Variants in IGF2BP2 observed in about 807,000 individuals in gnomAD.
The protein encoded by IGF2BP2 is insulin-like growth factor 2 mRNA-binding protein 2.
A neutral mutation model predicts 75.8 loss-of-function variants in IGF2BP2; 17 were observed. That is an observed-to-expected ratio of 0.22 (90% CI 0.15 to 0.34). The LOEUF (loss-of-function observed/expected upper bound fraction) is 0.34, where lower values mean the gene tolerates loss of function less well. Among genes scored for constraint, IGF2BP2 ranks in the 10% least tolerant of loss-of-function variants. The pLI, the probability that IGF2BP2 is intolerant of heterozygous loss-of-function variation, is 1.00. For synonymous variants in IGF2BP2, 288 were observed against 295.6 expected, an observed-to-expected ratio of 0.97 and a Z score of 0.26; for missense variants, 516 against 772.4, an observed-to-expected ratio of 0.67 and a Z score of 3.93.
rs571846769 is a variant in IGF2BP2 at position 185,712,572 on chromosome 3, C to CT, written c.240-14226dup. 6.6e-5 allele frequency: 10 copies of CT among 152,250 alleles called. No individual in the cohort carries two copies. In the South Asian group the frequency reaches 2.1e-3, roughly 32 times the overall value. 9.4% of individuals were successfully genotyped at this position (152,250 alleles called of 1,614,324 possible). ...ATGCTGAGTCAGTCATTCAACCTCT[C>CT]TAATGCCTCAGCCATGAGACAGAGA... On this transcript the variant is annotated intron_variant, in intron 2 of 15. Coordinates refer to ENST00000382199, the MANE Select transcript of IGF2BP2 (RefSeq NM_006548.6).
chr3:185,810,352 T>TA (rs1739632075), intron 2 of IGF2BP2, among the ~76,000 whole-genome samples: 1 of 152,192 alleles, frequency 6.6e-6, no homozygotes, highest in Admixed American at 6.5e-5. Flanking sequence ...TTCCTTAACT[T>TA]AAATACAGAA....
At chr3:185,794,281 AGACCCGGGC>A (rs1737045665) in intron 2 of IGF2BP2, among the ~76,000 whole-genome samples, 1 of 132,782 alleles carries the variant, frequency 7.5e-6, no homozygotes, top group African/African-American at 3.1e-5. Context: ...CAGATCCTAG[AGACCCGGGC>A]TGCCCTCATA....
chr3:185,785,122 G>C (rs1735693742), intron 2 of IGF2BP2, among the ~76,000 whole-genome samples: 1 of 151,836 alleles, frequency 6.6e-6, no homozygotes, highest in East Asian at 1.9e-4. Context: ...CCAACATGGA[G>C]ACACCCAGCC....
intron 2 of IGF2BP2, among the ~76,000 whole-genome samples, chr3:185,810,262 C>T (rs1356841334): frequency 6.6e-6 from 1 of 152,148 alleles, no homozygotes; most frequent in Non-Finnish European, 1.5e-5. Flanking sequence ...CCTTAGGCAA[C>T]TCGAAGTTTC....
At chr3:185,702,192 G>A (rs1359199531) in intron 2 of IGF2BP2, among the ~76,000 whole-genome samples, 2 of 152,234 alleles carry the variant, frequency 1.3e-5, no homozygotes, top group African/African-American at 4.8e-5. Flanking sequence ...CATCTAGCAC[G>A]GGGTCTCATA....
chr3:185,717,328 T>G (rs911351660), intron 2 of IGF2BP2: 1 of 162,130 alleles, frequency 6.2e-6, no homozygotes, highest in South Asian at 1.8e-4. Context: ...TTCTCCTCAG[T>G]GCTGAGAGTT....
At chr3:185,802,952 A>G (rs936784996) in intron 2 of IGF2BP2, among the ~76,000 whole-genome samples, 3 of 152,252 alleles carry the variant, frequency 2.0e-5, no homozygotes, top group Non-Finnish European at 4.4e-5. Context: ...GTAGTTTGCT[A>G]GACTCAATCT....
intron 2 of IGF2BP2, among the ~76,000 whole-genome samples, chr3:185,771,836 G>A (rs372822764): frequency 1.3e-5 from 2 of 152,084 alleles, no homozygotes; most frequent in East Asian, 3.9e-4. Flanking sequence ...AACTGGAAAG[G>A]TCTGGGGTCT....
chr3:185,661,769 G>T (rs193282161), intron 10 of IGF2BP2, among the ~76,000 whole-genome samples: 1 of 152,104 alleles, frequency 6.6e-6, no homozygotes, highest in African/African-American at 2.4e-5. Flanking sequence ...GTTCTACCGG[G>T]GAGGCAGGCA....
chr3:185,753,990 G>C (rs1234876705), intron 2 of IGF2BP2, among the ~76,000 whole-genome samples: 1 of 151,928 alleles, frequency 6.6e-6, no homozygotes, highest in Non-Finnish European at 1.5e-5. Context: ...GATCACTTGA[G>C]CTCAGGAGTT....
At chr3:185,648,539 C>T (rs1467696784) in intron 14 of IGF2BP2, among the ~76,000 whole-genome samples, 1 of 151,442 alleles carries the variant, frequency 6.6e-6, no homozygotes, top group African/African-American at 2.4e-5. Context: ...ACACTCAGGA[C>T]TCAAGAGACC....
chr3:185,722,959 C>T (rs536635200), intron 2 of IGF2BP2, among the ~76,000 whole-genome samples: 30 of 152,198 alleles, frequency 2.0e-4, no homozygotes, highest in Middle Eastern at 3.4e-3. Flanking sequence ...AAACTCTTGG[C>T]CATAAAAACA....
intron 2 of IGF2BP2, among the ~76,000 whole-genome samples, chr3:185,711,849 C>T (rs1724846505): frequency 6.6e-6 from 1 of 152,150 alleles, no homozygotes; most frequent in African/African-American, 2.4e-5. Flanking sequence ...CACAGGGTCC[C>T]AGTCACCATG....
At chr3:185,705,930 A>G (rs1336733292) in intron 2 of IGF2BP2, among the ~76,000 whole-genome samples, 1 of 152,252 alleles carries the variant, frequency 6.6e-6, no homozygotes, top group Non-Finnish European at 1.5e-5. Context: ...ACAAACTTTT[A>G]GACCACAGCA....
intron 2 of IGF2BP2, among the ~76,000 whole-genome samples, chr3:185,764,306 T>A (rs1578226860): frequency 6.6e-6 from 1 of 152,164 alleles, no homozygotes; most frequent in Admixed American, 6.5e-5. Context: ...TAAGCAGGAA[T>A]GTGACCTCAT....
At chr3:185,754,794 A>C (rs1731396356) in intron 2 of IGF2BP2, among the ~76,000 whole-genome samples, 1 of 152,200 alleles carries the variant, frequency 6.6e-6, no homozygotes, top group African/African-American at 2.4e-5. Context: ...GGAAGTTTGA[A>C]TTTAAGAGTG....
rs536211300 is a variant in IGF2BP2 at position 185,818,402 on chromosome 3, T to C, written c.239+4751A>G. 2.0e-5 allele frequency among the ~76,000 whole-genome samples: 3 copies of C among 152,164 alleles called. No homozygotes were observed. The East Asian group carries it at 5.8e-4, about 29-fold the overall frequency. On this transcript the variant is annotated intron_variant, in intron 2 of 15. Transcript: ENST00000382199. ...TCACAAGGTTAACCACCTACAAGAG[T>C]TATTCATCACTCAAGGCAAATATCA...
chr3:185,688,608 G>T (rs987779005), intron 6 of IGF2BP2, among the ~76,000 whole-genome samples: 2 of 152,182 alleles, frequency 1.3e-5, no homozygotes, highest in East Asian at 1.9e-4. Context: ...CTCCCAAAGT[G>T]CTGGGATTAC....
At chr3:185,799,963 A>G (rs1737983830) in intron 2 of IGF2BP2, among the ~76,000 whole-genome samples, 3 of 152,240 alleles carry the variant, frequency 2.0e-5, no homozygotes, top group Non-Finnish European at 4.4e-5. Flanking sequence ...ATGCTACTAT[A>G]AAGGCACATG....
Sources: gnomAD v4.1 joint callset for allele counts (sites outside exome capture counted in the v4.1 genomes callset) on GRCh38, gnomAD v4.1.1 for gene constraint, MANE v1.5 for transcripts, NCBI Gene and HGNC (gene_info 2026-07-23, HGNC 2026-07-21) for gene names.